Variants in LSAMP observed in about 807,000 individuals in gnomAD.
LSAMP encodes limbic system-associated membrane protein.
A neutral mutation model predicts 38.6 loss-of-function variants in LSAMP; 7 were observed. The observed-to-expected ratio is 0.18, with a 90% confidence interval of 0.10 to 0.34. The LOEUF (loss-of-function observed/expected upper bound fraction) is 0.34, where lower values mean the gene tolerates loss of function less well. Among genes scored for constraint, LSAMP ranks in the 10% least tolerant of loss-of-function variants. LSAMP has a pLI of 1.00. For missense variants in LSAMP, 313 were observed against 420.0 expected, an observed-to-expected ratio of 0.75 and a Z score of 2.23; for synonymous variants, 154 against 166.8, an observed-to-expected ratio of 0.92 and a Z score of 0.59.
At position 115,810,244 on chromosome 3, in the gene LSAMP, TG is replaced by T; in HGVS notation, c.*72del. The T allele has an allele frequency of 9.8e-7, 1 of 1,017,970 alleles. No homozygotes were observed. The highest frequency in any genetic ancestry group is 1.4e-6 in the Non-Finnish European group (1 of 691,982). 63.1% of individuals were successfully genotyped at this position (1,017,970 alleles called of 1,614,324 possible). ...CCATCTCTCTCTCTCTCTCTCTCTC[TG>T]TCTCTCTCTCTCTGTATTCTGTGTG... On this transcript the variant is annotated 3_prime_UTR_variant, in exon 7 of 7. Transcript: ENST00000490035.
At chr3:116,136,314 A>G (rs1014242044) in intron 1 of LSAMP, among the ~76,000 whole-genome samples, 3 of 152,076 alleles carry the variant, frequency 2.0e-5, no homozygotes, top group Admixed American at 2.0e-4. Flanking sequence ...GGCTTCCTAG[A>G]AGATAAGAGT....
chr3:116,405,785 C>T (rs192401027), intron 1 of LSAMP, among the ~76,000 whole-genome samples: 1 of 152,096 alleles, frequency 6.6e-6, no homozygotes, highest in East Asian at 1.9e-4. Context: ...TTGAAACCTG[C>T]CCATGATCAT....
intron 1 of LSAMP, among the ~76,000 whole-genome samples, chr3:116,306,293 T>C (rs963311335): frequency 1.3e-5 from 2 of 152,012 alleles, no homozygotes; most frequent in Admixed American, 6.6e-5. Context: ...GATTAGAATG[T>C]TTAGAGTCAG....
chr3:116,210,431 C>T (rs1376416149), intron 1 of LSAMP, among the ~76,000 whole-genome samples: 2 of 152,194 alleles, frequency 1.3e-5, no homozygotes, highest in African/African-American at 2.4e-5. Context: ...TTTCTCCATG[C>T]TGGATGCTTC....
At chr3:115,957,115 A>T (rs1938477684) in intron 3 of LSAMP, among the ~76,000 whole-genome samples, 1 of 152,216 alleles carries the variant, frequency 6.6e-6, no homozygotes, top group Non-Finnish European at 1.5e-5. Context: ...ATTTAACTCA[A>T]ATTAACTGAA....
intron 1 of LSAMP, among the ~76,000 whole-genome samples, chr3:116,090,178 G>A (rs1352615221): frequency 6.8e-6 from 1 of 147,106 alleles, no homozygotes; most frequent in Non-Finnish European, 1.5e-5. Context: ...TCACATCACT[G>A]CACTCCAGCC....
At position 115,806,339 on chromosome 3, in the gene LSAMP, A is replaced by G. The variant is rs938527763; in HGVS notation, c.*3978T>C. 3 of 152,218 alleles carry G rather than the reference A, an allele frequency of 2.0e-5. No homozygotes were observed. The highest frequency in any genetic ancestry group is 2.0e-4 in the Admixed American group (3 of 15,280). The allele number at this position is 152,218 out of a possible 1,614,324, so 9.4% of individuals were successfully genotyped here. A position where few individuals can be genotyped will look rare whatever the true frequency, so the allele number is the denominator to read the frequency against. ...AAAGATAAAAAATACACACACATAT[A>G]TATTATTGTTTTCCACAAATAATTC... is the stretch of plus-strand genomic sequence containing the variant. On this transcript the variant is annotated 3_prime_UTR_variant, in exon 7 of 7. Transcript: ENST00000490035.
intron 2 of LSAMP, among the ~76,000 whole-genome samples, chr3:116,045,979 C>G (rs1305524713): frequency 6.6e-6 from 1 of 152,178 alleles, no homozygotes; most frequent in African/African-American, 2.4e-5. Flanking sequence ...AATAGAAAGT[C>G]TTTACTCCAC....
chr3:116,176,521 A>G (rs1242770554), intron 1 of LSAMP, among the ~76,000 whole-genome samples: 3 of 152,168 alleles, frequency 2.0e-5, no homozygotes, highest in African/African-American at 7.2e-5. Flanking sequence ...AAAGAAGCCA[A>G]TAACTAAACA....
At chr3:116,110,392 A>G (rs1708576446) in intron 1 of LSAMP, among the ~76,000 whole-genome samples, 1 of 152,176 alleles carries the variant, frequency 6.6e-6, no homozygotes, top group Admixed American at 6.5e-5. Flanking sequence ...GTGGTCTGAC[A>G]CCCTTGAAAC....
chr3:116,279,508 A>T (rs1397041332), intron 1 of LSAMP, among the ~76,000 whole-genome samples: 1 of 152,188 alleles, frequency 6.6e-6, no homozygotes. Flanking sequence ...ATCTACTCTC[A>T]TGTGAAAGAT....
chr3:116,003,119 T>A (rs1940050228), intron 3 of LSAMP, among the ~76,000 whole-genome samples: 1 of 152,172 alleles, frequency 6.6e-6, no homozygotes, highest in African/African-American at 2.4e-5. Flanking sequence ...CTTTACGGTG[T>A]GCAACAGTAA....
At chr3:116,444,799 C>G (rs2049483563) in intron 1 of LSAMP, 78 bp downstream of exon 1, 22 of 1,508,134 alleles carry the variant, frequency 1.5e-5, no homozygotes, top group Non-Finnish European at 1.8e-5. Flanking sequence ...CACACACACA[C>G]ACACACACAC....
At chr3:116,008,137 A>G (rs559993806) in intron 3 of LSAMP, among the ~76,000 whole-genome samples, 1 of 152,348 alleles carries the variant, frequency 6.6e-6, no homozygotes, top group South Asian at 2.1e-4. Flanking sequence ...AACAACAACA[A>G]ACACTTGAAT....
At chr3:116,124,134 C>T (rs1708953098) in intron 1 of LSAMP, among the ~76,000 whole-genome samples, 1 of 152,040 alleles carries the variant, frequency 6.6e-6, no homozygotes, top group Non-Finnish European at 1.5e-5. Context: ...TCTGCATTTT[C>T]CACAAATGTG....
At chr3:115,873,841 G>C (rs1936111679) in intron 3 of LSAMP, among the ~76,000 whole-genome samples, 1 of 152,042 alleles carries the variant, frequency 6.6e-6, no homozygotes, top group South Asian at 2.1e-4. Context: ...TAGCTTTCTT[G>C]TCCTAGCCTG....
At chr3:115,914,559 T>A (rs1937206011) in intron 3 of LSAMP, among the ~76,000 whole-genome samples, 1 of 152,224 alleles carries the variant, frequency 6.6e-6, no homozygotes, top group Admixed American at 6.5e-5. Context: ...CCTATTGCGA[T>A]AGTCTTGACA....
chr3:116,221,258 A>C (rs1226472675), intron 1 of LSAMP, among the ~76,000 whole-genome samples: 1 of 152,064 alleles, frequency 6.6e-6, no homozygotes, highest in Non-Finnish European at 1.5e-5. Flanking sequence ...TTTATCTTAA[A>C]ATTTGCCTAG....
rs546058141 is a variant in LSAMP at position 115,904,909 on chromosome 3, C to T, written c.515-52292G>A. ...GGTTTTGTTGGTCCCTCTTTTGGAC[C>T]CGTAGAGAACTTTTGCCTGTCTTCA... On this transcript the variant is annotated intron_variant, in intron 3 of 6. Coordinates refer to ENST00000490035, the MANE Select transcript of LSAMP (RefSeq NM_002338.5). Among the ~76,000 whole-genome samples, 26 of 152,218 alleles carry T rather than the reference C, an allele frequency of 1.7e-4. No individual in the cohort carries two copies. The South Asian group carries it at 5.2e-3, about 30-fold the overall frequency.
Sources: allele counts gnomAD v4.1 joint callset (sites outside exome capture counted in the v4.1 genomes callset), GRCh38; gene constraint gnomAD v4.1.1; transcripts MANE v1.5; gene names NCBI Gene and HGNC (gene_info 2026-07-23, HGNC 2026-07-21).